Variants in TTLL3 observed in about 807,000 individuals in gnomAD.
TTLL3 encodes tubulin tyrosine ligase like 3.
TTLL3 carries 63 observed loss-of-function variants against 75.2 expected under a neutral mutation model. That is an observed-to-expected ratio of 0.84 (90% CI 0.68 to 1.03). The LOEUF is 1.03. Ranked by LOEUF, TTLL3 falls within the 50% of genes least tolerant of loss-of-function variation. TTLL3 has a pLI of 0.00. For missense variants in TTLL3, 997 were observed against 1,069.9 expected, an observed-to-expected ratio of 0.93 and a Z score of 0.95; for synonymous variants, 393 against 418.5, an observed-to-expected ratio of 0.94 and a Z score of 0.74.
rs1380193325 is a variant in TTLL3, at chr3:9,828,969, C to G, written c.1257C>G (p.His419Gln). ...FSLKNLDNSV[H>Q]LCNNSIQKHL... ...CTGTTCTCTGCCCCAGCTCAGTGCA[C>G]CTGTGCAACAACTCCATCCAGAAGC... Residue 419 changes from histidine to glutamine, a missense_variant, in exon 11 of 14, where the codon CAC becomes CAG. Coordinates refer to ENST00000685419, the MANE Select transcript of TTLL3 (RefSeq NM_001387446.1). 6.2e-7 allele frequency: 1 copy of G among 1,614,234 alleles called. No homozygotes were observed. Among genetic ancestry groups the G allele is most frequent in the South Asian group, 1.1e-5 (1 of 91,082 alleles).
At position 9,829,133 on chromosome 3, in the gene TTLL3, C is replaced by T; in HGVS notation, c.1421C>T (p.Ala474Val). The change falls in exon 11 of 14, where the codon GCT (alanine) becomes GTT (valine). Residue 474 changes from alanine to valine, a missense_variant. Coordinates refer to ENST00000685419, the MANE Select transcript of TTLL3 (RefSeq NM_001387446.1). ...ATCATCGTGCCTGGCATGAAGGATG[C>T]TGTGATCCACGCACTTCAGACCTCC... is the stretch of plus-strand genomic sequence containing the variant. ...STIIVPGMKD[A>V]VIHALQTSQD... 1 of 1,614,252 alleles carries T rather than the reference C, an allele frequency of 6.2e-7. No homozygotes were observed. Among genetic ancestry groups the T allele is most frequent in the Non-Finnish European group, 8.5e-7 (1 of 1,180,044 alleles).
At chr3:9,824,456 A>G (rs768453997) in intron 8 of TTLL3, among the ~76,000 whole-genome samples, 11 of 152,228 alleles carry the variant, frequency 7.2e-5, no homozygotes, top group African/African-American at 2.6e-4. Flanking sequence ...CGTTGCCCAC[A>G]CTGGAGTGCA....
chr3:9,827,097 G>C lies in TTLL3; in HGVS notation c.1104G>C (p.Glu368Asp). Residue 368 changes from glutamate to aspartate, a missense_variant, in exon 10 of 14, where the codon GAG becomes GAC. Physicochemically the swap from Glu to Asp is conservative, Grantham distance 45 (BLOSUM62 2). Transcript: ENST00000685419. ...AGTGGGTGGTGCAGAAGTATATTGA[G>C]CGGCCCCTCCTCATCTTTGGCACCA... The part of the protein sequence containing the change: ...DGKWVVQKYI[E>D]RPLLIFGTKF... 3.1e-6 allele frequency: 5 copies of C among 1,614,234 alleles called. No individual in the cohort carries two copies. The highest frequency in any genetic ancestry group is 3.4e-6 in the Non-Finnish European group (4 of 1,180,044).
chr3:9,812,969 C>T lies in TTLL3; in HGVS notation c.75C>T (p.Gly25=). The T allele has an allele frequency of 1.3e-6, 2 of 1,523,712 alleles. No homozygotes were observed. Among genetic ancestry groups the T allele is most frequent in the African/African-American group, 1.4e-5 (1 of 72,058 alleles). The allele number at this position is 1,523,712 out of a possible 1,614,324, so 94.4% of individuals were successfully genotyped here. Residue 25 remains glycine, a synonymous_variant, in exon 3 of 14, where the codon GGC becomes GGT. Coordinates refer to ENST00000685419, the MANE Select transcript of TTLL3 (RefSeq NM_001387446.1). ...AGAAGAAGATCTTTACAATCCAAGG[C>T]TGCTACCCGGTGATCCGGTGTCTCT... The part of the protein sequence containing the change: ...VKQKKIFTIQ[G]CYPVIRCLLR...
At chr3:9,831,517 C>T (rs1434990273) in intron 11 of TTLL3, among the ~76,000 whole-genome samples, 1 of 152,192 alleles carries the variant, frequency 6.6e-6, no homozygotes, top group Non-Finnish European at 1.5e-5. Context: ...TGGTGGCTAC[C>T]AGATTCTCTC....
chr3:9,832,674 C>T (rs1436406403), intron 11 of TTLL3, among the ~76,000 whole-genome samples: 1 of 152,160 alleles, frequency 6.6e-6, no homozygotes, highest in Non-Finnish European at 1.5e-5. Flanking sequence ...TTTCTGCTAC[C>T]CCATAACCTG....
In TTLL3 at chr3:9,820,842, C is replaced by T. The variant is rs994337886; in HGVS notation, c.854+101C>T. The T allele has an allele frequency of 4.5e-5, 68 of 1,495,448 alleles. No individual in the cohort carries two copies. In the East Asian group the frequency reaches 5.6e-4, roughly 12 times the overall value. The allele number at this position is 1,495,448 out of a possible 1,614,324, so 92.6% of individuals were successfully genotyped here. On this transcript the variant is annotated intron_variant, in intron 8 of 13. Coordinates refer to ENST00000685419, the MANE Select transcript of TTLL3 (RefSeq NM_001387446.1). ...CTACCCCTTCCCCAAGCCTCCCGCT[C>T]GTTTACCCCGCTGTTCTGCTCAGGA...
chr3:9,814,483 T>TA (rs965248576), intron 4 of TTLL3, among the ~76,000 whole-genome samples: 3 of 151,830 alleles, frequency 2.0e-5, no homozygotes, highest in Non-Finnish European at 4.4e-5. Context: ...CTGTCTCTAC[T>TA]AAAAAAATAG....
intron 7 of TTLL3, 130 bp downstream of exon 7, chr3:9,819,050 T>C: frequency 8.4e-7 from 1 of 1,188,316 alleles, no homozygotes; most frequent in South Asian, 1.4e-5. Flanking sequence ...TGTGTATGAT[T>C]CACATCTACC....
chr3:9,820,141 G>GGT (rs2080272698), intron 7 of TTLL3: 2 of 1,006,848 alleles, frequency 2.0e-6, no homozygotes, highest in African/African-American at 3.4e-5. Context: ...CTGGATTTCT[G>GGT]GTGTGTGGAC....
rs750140465 is a variant in TTLL3 at position 9,820,652 on chromosome 3, C to G, written c.765C>G (p.His255Gln). 6.2e-7 allele frequency: 1 copy of G among 1,614,052 alleles called. No individual in the cohort carries two copies. The highest frequency in any genetic ancestry group is 8.5e-7 in the Non-Finnish European group (1 of 1,180,020). ...AGGAGTACCTTAGCAACTTGGCCCA[C>G]ATGGACATCGACAAGGACCTGGAGG... ...ACEEYLSNLA[H>Q]MDIDKDLEAP... is the part of the protein sequence containing the mutation. The change falls in exon 8 of 14, where the codon CAC (histidine) becomes CAG (glutamine). Residue 255 changes from histidine (H) to glutamine (Q), a missense_variant. Coordinates refer to ENST00000685419, the MANE Select transcript of TTLL3 (RefSeq NM_001387446.1).
chr3:9,820,153 TAAG>T (rs1442176593), intron 7 of TTLL3: 12 of 1,011,512 alleles, frequency 1.2e-5, no homozygotes, highest in African/African-American at 1.7e-5. Flanking sequence ...TGTGTGGACT[TAAG>T]AAGCTGTGTC....
chr3:9,823,300 C>A (rs181154625), intron 8 of TTLL3, among the ~76,000 whole-genome samples: 1 of 151,750 alleles, frequency 6.6e-6, no homozygotes. Context: ...AGGAGAATGG[C>A]GTGAACCCAG....
At chr3:9,829,424 CAG>C in intron 11 of TTLL3, 29 bp downstream of exon 11, 2 of 1,556,532 alleles carry the variant, frequency 1.3e-6, no homozygotes, top group Admixed American at 1.8e-5. Flanking sequence ...GGCAGGACCC[CAG>C]AGAGTCTGCA....
At position 9,835,485 on chromosome 3, in the gene TTLL3, C is replaced by A; in HGVS notation, c.2444C>A (p.Ala815Asp). Residue 815 changes from alanine (A) to aspartate (D), a missense_variant, in exon 14 of 14, where the codon GCC becomes GAC. Transcript: ENST00000685419. ...RPCTPGSTAR[A>D] ...TGTACCCCAGGGTCCACAGCAAGAG[C>A]CTGAGGCCATCAGCAGCTCCTCCGT... is the stretch of plus-strand genomic sequence containing the variant. 1 of 1,585,332 alleles carries A rather than the reference C, an allele frequency of 6.3e-7. No individual in the cohort carries two copies. Among genetic ancestry groups the A allele is most frequent in the Non-Finnish European group, 8.6e-7 (1 of 1,167,506 alleles).
In TTLL3 at chr3:9,817,637, C is replaced by A. The variant is rs757028633; in HGVS notation, c.445-8C>A. The A allele has an allele frequency of 4.3e-6, 7 of 1,613,968 alleles. No homozygotes were observed. On this transcript the variant is annotated splice_region_variant and splice_polypyrimidine_tract_variant and intron_variant, in intron 5 of 13. Coordinates refer to ENST00000685419, the MANE Select transcript of TTLL3 (RefSeq NM_001387446.1). ...CCTGCCCTGCCCTCTCAGTGGCTAACTCCGTAGGTGGGTCTATGTCTCAAT... is the reference window on the plus strand; with the variant it reads ...CCTGCCCTGCCCTCTCAGTGGCTAAATCCGTAGGTGGGTCTATGTCTCAAT...
intron 2 of TTLL3, among the ~76,000 whole-genome samples, chr3:9,812,386 A>C (rs2079436698): frequency 6.6e-6 from 1 of 152,078 alleles, no homozygotes; most frequent in African/African-American, 2.4e-5. Context: ...GCAGTGGCAC[A>C]CGCCTGTACT....
intron 7 of TTLL3, chr3:9,819,709 C>T: frequency 2.0e-6 from 2 of 985,470 alleles, no homozygotes; most frequent in Non-Finnish European, 2.4e-6. Flanking sequence ...TCCAGGGACC[C>T]ATCAGCGAGG....
At chr3:9,831,472 CAGTT>C (rs1474540514) in intron 11 of TTLL3, among the ~76,000 whole-genome samples, 1 of 152,202 alleles carries the variant, frequency 6.6e-6, no homozygotes, top group African/African-American at 2.4e-5. Context: ...GAGTGTCTCA[CAGTT>C]AGTGCTGCTG....
Sources: allele counts gnomAD v4.1 joint callset (sites outside exome capture counted in the v4.1 genomes callset), GRCh38; gene constraint gnomAD v4.1.1; transcripts MANE v1.5; gene names NCBI Gene and HGNC (gene_info 2026-07-23, HGNC 2026-07-21).